ASTN2: variants seen among roughly 807,000 people sequenced by gnomAD.
The protein encoded by ASTN2 is astrotactin-2.
In ASTN2, 54 loss-of-function variants were observed where a neutral mutation model predicts 139.8. That is an observed-to-expected ratio of 0.39 (90% CI 0.31 to 0.48). The LOEUF (loss-of-function observed/expected upper bound fraction) is 0.48. ASTN2 is among the 20% of genes least tolerant of loss of function. ASTN2 has a pLI of 0.95. For missense variants in ASTN2, 1,565 were observed against 1,725.1 expected (o/e 0.91, Z 1.64); for synonymous variants, 756 against 719.5 (o/e 1.05, Z -0.81).
intron 3 of ASTN2, among the ~76,000 whole-genome samples, chr9:117,204,390 A>G (rs996392764): frequency 1.1e-4 from 16 of 152,162 alleles, no homozygotes; most frequent in African/African-American, 3.9e-4. Context: ...CAACTGATGG[A>G]TCAATCACTT....
chr9:117,203,846 G>C (rs765022837), intron 3 of ASTN2, among the ~76,000 whole-genome samples: 1 of 152,200 alleles, frequency 6.6e-6, no homozygotes, highest in East Asian at 1.9e-4. Context: ...ATGGCATGGA[G>C]AGAAGGGCTC....
intron 13 of ASTN2, among the ~76,000 whole-genome samples, chr9:116,803,501 T>C (rs1183556403): frequency 1.4e-4 from 1 of 7,206 alleles, no homozygotes; most frequent in Non-Finnish European, 2.4e-4. Flanking sequence ...TATATATATA[T>C]ATATATATAT....
intron 19 of ASTN2, among the ~76,000 whole-genome samples, chr9:116,514,023 C>A (rs941794823): frequency 2.0e-5 from 3 of 151,934 alleles, no homozygotes; most frequent in Admixed American, 6.5e-5. Context: ...CTCCGTCCAG[C>A]TTTGTTCTGT....
chr9:116,491,711 G>C (rs1449846380), intron 19 of ASTN2, among the ~76,000 whole-genome samples: 1 of 152,116 alleles, frequency 6.6e-6, no homozygotes, highest in African/African-American at 2.4e-5. Context: ...CAGTGGAGGG[G>C]GTACTAAGAA....
At chr9:116,992,970 A>G (rs967510129) in intron 7 of ASTN2, among the ~76,000 whole-genome samples, 1 of 152,182 alleles carries the variant, frequency 6.6e-6, no homozygotes, top group African/African-American at 2.4e-5. Context: ...CTGGCATCAC[A>G]TCAGTCTTCC....
At chr9:117,259,286 C>T (rs990280262) in intron 2 of ASTN2, among the ~76,000 whole-genome samples, 6 of 152,176 alleles carry the variant, frequency 3.9e-5, no homozygotes, top group Admixed American at 2.0e-4. Flanking sequence ...TCAGTATATA[C>T]AACCAATGTA....
chr9:116,513,216 C>T (rs1587915909), intron 19 of ASTN2, among the ~76,000 whole-genome samples: 1 of 152,132 alleles, frequency 6.6e-6, no homozygotes, highest in African/African-American at 2.4e-5. Flanking sequence ...AATCTCTCAG[C>T]ATTTGCTTGT....
At chr9:116,574,649 T>C (rs1281815794) in intron 19 of ASTN2, among the ~76,000 whole-genome samples, 3 of 152,096 alleles carry the variant, frequency 2.0e-5, no homozygotes, top group Non-Finnish European at 4.4e-5. Flanking sequence ...GAAAAAGAGA[T>C]TGGCCTTTTC....
intron 19 of ASTN2, among the ~76,000 whole-genome samples, chr9:116,493,775 T>C (rs112217719): frequency 3.3e-5 from 5 of 152,020 alleles, no homozygotes; most frequent in Non-Finnish European, 5.9e-5. Context: ...AATTCCAGAA[T>C]GGAAGGAGCA....
chr9:116,878,913 A>G lies in ASTN2; in HGVS notation c.1890-15180T>C, dbSNP rs1251828898. ...AACAGAAGAGGCTCATTAAGATGGG[A>G]AGTCCTGGGGTCTCAGGTGTGATTG... is the stretch of plus-strand genomic sequence containing the variant. On this transcript the variant is annotated intron_variant, in intron 10 of 22. Coordinates refer to ENST00000313400, the MANE Select transcript of ASTN2 (RefSeq NM_001365068.1). 1.3e-5 allele frequency among the ~76,000 whole-genome samples: 2 copies of G among 151,560 alleles called. 1 individual carries two copies. The highest frequency in any genetic ancestry group is 2.9e-5 in the Non-Finnish European group (2 of 67,938).
intron 1 of ASTN2, among the ~76,000 whole-genome samples, chr9:117,355,539 G>C (rs1251761372): frequency 6.6e-6 from 1 of 152,152 alleles, no homozygotes; most frequent in Non-Finnish European, 1.5e-5. Context: ...CCAGACACCA[G>C]GCTGCTTAGC....
intron 11 of ASTN2, among the ~76,000 whole-genome samples, chr9:116,854,651 C>CTTT (rs764856702): frequency 2.4e-4 from 29 of 121,916 alleles, no homozygotes; most frequent in African/African-American, 3.8e-4. Context: ...TTCCTTCTCT[C>CTTT]TTTTTTTTTT....
intron 13 of ASTN2, among the ~76,000 whole-genome samples, chr9:116,790,156 C>T (rs1830492604): frequency 6.6e-6 from 1 of 152,036 alleles, no homozygotes; most frequent in African/African-American, 2.4e-5. Context: ...GAACTCCTGA[C>T]CTCAGATGAT....
intron 19 of ASTN2, among the ~76,000 whole-genome samples, chr9:116,609,394 T>TATATATATATATAA (rs1855413527): frequency 6.9e-6 from 1 of 145,594 alleles, no homozygotes; most frequent in Non-Finnish European, 1.5e-5. Context: ...TATATATATA[T>TATATATATATATAA]ATATATATAT....
chr9:116,658,733 C>CTTT (rs71502074), intron 16 of ASTN2, among the ~76,000 whole-genome samples: 1,280 of 100,778 alleles, frequency 0.013, 57 homozygotes, highest in East Asian at 0.018. Flanking sequence ...GACCACCGCT[C>CTTT]TTTTTTTTTT....
chr9:116,626,877 T>C (rs1040822504), intron 17 of ASTN2, among the ~76,000 whole-genome samples: 32 of 152,304 alleles, frequency 2.1e-4, no homozygotes, highest in African/African-American at 7.0e-4. Flanking sequence ...TAGAGGTTTC[T>C]AACCCAGCCT....
At chr9:117,019,191 A>C (rs1299645684) in intron 6 of ASTN2, among the ~76,000 whole-genome samples, 1 of 151,770 alleles carries the variant, frequency 6.6e-6, no homozygotes, top group African/African-American at 2.4e-5. Flanking sequence ...AGAAAAAAAA[A>C]CAAAGAAGTC....
At chr9:116,823,352 C>A (rs1440387328) in intron 11 of ASTN2, among the ~76,000 whole-genome samples, 1 of 152,162 alleles carries the variant, frequency 6.6e-6, no homozygotes, top group African/African-American at 2.4e-5. Context: ...ACTTCACCAC[C>A]CTGTCATTTA....
At chr9:116,835,440 CT>C (rs576462313) in intron 11 of ASTN2, among the ~76,000 whole-genome samples, 1 of 152,140 alleles carries the variant, frequency 6.6e-6, no homozygotes, top group Non-Finnish European at 1.5e-5. Flanking sequence ...ATAGCTACAT[CT>C]TTTTCTTTCA....
Sources: gnomAD v4.1 joint callset for allele counts (sites outside exome capture counted in the v4.1 genomes callset) on GRCh38, gnomAD v4.1.1 for gene constraint, MANE v1.5 for transcripts, NCBI Gene and HGNC (gene_info 2026-07-23, HGNC 2026-07-21) for gene names.